The following SBF1 variants were observed in gnomAD, a reference collection of about 807,000 sequenced individuals.
SBF1 encodes SET binding factor 1, also known as myotubularin-related protein 5.
Under a neutral mutation model 215.8 loss-of-function variants are expected in SBF1, and 65 were observed. That is an observed-to-expected ratio of 0.30 (90% confidence interval 0.25 to 0.37). The LOEUF (loss-of-function observed/expected upper bound fraction) is 0.37, where lower values mean the gene tolerates loss of function less well. SBF1 is among the 10% of genes least tolerant of loss of function. SBF1 has a pLI of 1.00. For missense variants in SBF1, 2,634 were observed against 2,667.8 expected (o/e 0.99, Z 0.28); for synonymous variants, 1,410 against 1,122.8 (o/e 1.26, Z -5.11).
chr22:50,460,282 G>A lies in SBF1; in HGVS notation c.3273C>T (p.Asp1091=), dbSNP rs1191369275. The A allele has an allele frequency of 2.1e-5, 33 of 1,605,464 alleles. No individual in the cohort carries two copies. The highest frequency in any genetic ancestry group is 6.7e-5 in the Admixed American group (4 of 59,598). The change falls in exon 25 of 41, where the codon GAC becomes GAT. Residue 1091 remains aspartate (D), a synonymous_variant. Coordinates refer to ENST00000380817, the MANE Select transcript of SBF1 (RefSeq NM_002972.4). ...RGQPPPEDQE[D]EISVSEELEP... ...CCCCCACCCCTCCACCTGAGATCTC[G>A]TCCTCCTGGTCCTCAGGGGGCGGCT...
At position 50,446,951 on chromosome 22, in the gene SBF1, T is replaced by G. The variant is rs1253830624; in HGVS notation, c.*191A>C. On this transcript the variant is annotated 3_prime_UTR_variant, in exon 41 of 41. Coordinates refer to ENST00000380817, the MANE Select transcript of SBF1 (RefSeq NM_002972.4). The stretch of plus-strand genomic sequence containing the variant: ...GCCACCTCCCGGCACGGTGCTCAGC[T>G]GTGACGCCAAAATAAGTTAGGGCCG... The G allele has an allele frequency of 1.4e-6, 1 of 707,586 alleles. No individual in the cohort carries two copies. The highest frequency in any genetic ancestry group is 2.6e-6 in the Non-Finnish European group (1 of 391,210). 43.8% of individuals were successfully genotyped at this position (707,586 alleles called of 1,614,324 possible).
chr22:50,462,350 T>C lies in SBF1; in HGVS notation c.2251A>G (p.Ser751Gly). ...TGGATGGCCTGGCTGAACACCGTGC[T>C]CTCCTCCTTCTGCACCAGCTCCTGC... The part of the protein sequence containing the change: ...KQQELVQKEE[S>G]TVFSQAIHYA... Residue 751 changes from serine to glycine, a missense_variant, in exon 19 of 41, where the codon AGC (serine) becomes GGC (glycine). Ser to Gly is a moderately conservative substitution (Grantham distance 56). Coordinates refer to ENST00000380817, the MANE Select transcript of SBF1 (RefSeq NM_002972.4). 1 of 1,614,102 alleles carries C rather than the reference T, an allele frequency of 6.2e-7. No individual in the cohort carries two copies.
intron 36 of SBF1, among the ~76,000 whole-genome samples, chr22:50,452,746 A>AAAC (rs1165092073): frequency 6.6e-6 from 1 of 150,984 alleles, no homozygotes; most frequent in African/African-American, 2.4e-5. Flanking sequence ...AAAAAAAAAA[A>AAAC]AAAAACCATA....
In SBF1 at chr22:50,460,487, G is replaced by C. The variant is rs572467490; in HGVS notation, c.3146+47C>G. The C allele has an allele frequency of 7.0e-5, 112 of 1,609,730 alleles. No individual in the cohort carries two copies. The Admixed American group carries it at 1.7e-3, about 25-fold the overall frequency. ...CAGGGGCCTAGGAGGGTTGGAGCGGGAACACGGCTGAGGCCCAGCTGCCCT... is the reference window on the plus strand; with the variant it reads ...CAGGGGCCTAGGAGGGTTGGAGCGGCAACACGGCTGAGGCCCAGCTGCCCT... On this transcript the variant is annotated intron_variant, in intron 24 of 40. Coordinates refer to ENST00000380817, the MANE Select transcript of SBF1 (RefSeq NM_002972.4).
In SBF1 at chr22:50,467,908, C is replaced by T. The variant is rs772333742; in HGVS notation, c.157G>A (p.Gly53Arg). Residue 53 changes from glycine (G) to arginine (R), a missense_variant, in exon 3 of 41, where the codon GGG becomes AGG. By Grantham distance (125) the Gly-to-Arg change is moderately radical. Coordinates refer to ENST00000380817, the MANE Select transcript of SBF1 (RefSeq NM_002972.4). ...TTCCTCTCGGGACACAGCTGCCACCCGCTGGGCTGGCAAAACTGCAGGGAA... is the reference window on the plus strand; with the variant it reads ...TTCCTCTCGGGACACAGCTGCCACCTGCTGGGCTGGCAAAACTGCAGGGAA... ...QGIELFCQPS[G>R]WQLCPERNPP... 12 of 1,613,762 alleles carry T rather than the reference C, an allele frequency of 7.4e-6. No individual in the cohort carries two copies. Among genetic ancestry groups the T allele is most frequent in the Admixed American group, 3.3e-5 (2 of 59,976 alleles).
chr22:50,463,150 A>AC, intron 16 of SBF1, 133 bp downstream of exon 16: 5 of 1,276,722 alleles, frequency 3.9e-6, no homozygotes, highest in Non-Finnish European at 5.5e-6. Context: ...TTCCCTGCAG[A>AC]CCGAGGACCC....
At chr22:50,472,813 C>T (rs1322086804) in intron 1 of SBF1, among the ~76,000 whole-genome samples, 1 of 152,156 alleles carries the variant, frequency 6.6e-6, no homozygotes, top group Non-Finnish European at 1.5e-5. Context: ...TAGCCTTGTT[C>T]CCCTCAAGAA....
In SBF1 at chr22:50,446,172, G is replaced by C. The variant is rs1262488201; in HGVS notation, c.*970C>G. Reference sequence around the variant, plus strand: ...AGGAAAAGAGCAGTGAGGGGCCACAGTGACACCAAGAAGGGAAGGACGGGG... The same window carrying C: ...AGGAAAAGAGCAGTGAGGGGCCACACTGACACCAAGAAGGGAAGGACGGGG... On this transcript the variant is annotated 3_prime_UTR_variant, in exon 41 of 41. Coordinates refer to ENST00000380817, the MANE Select transcript of SBF1 (RefSeq NM_002972.4). 1 of 152,812 alleles carries C rather than the reference G, an allele frequency of 6.5e-6. No homozygotes were observed. The highest frequency in any genetic ancestry group is 1.5e-5 in the Non-Finnish European group (1 of 68,470). The allele number at this position is 152,812 out of a possible 1,614,324, so 9.5% of individuals were successfully genotyped here. A position where few individuals can be genotyped will look rare whatever the true frequency, so the allele number is the denominator to read the frequency against.
Position 50,464,352 on chromosome 22 carries a change from C to G in SBF1, c.1726G>C (p.Gly576Arg). ...ACCTTCTTGGCCTCAAGCATTTTCC[C>G]CTCAAACACGTAGGAGATGCAGTTG... The part of the protein sequence containing the change: ...VRNCISYVFE[G>R]KMLEAKKLLP... The change falls in exon 15 of 41, where the codon GGG becomes CGG. Residue 576 changes from glycine to arginine, a missense_variant. Transcript: ENST00000380817. The G allele has an allele frequency of 6.2e-7, 1 of 1,614,010 alleles. No individual in the cohort carries two copies. The highest frequency in any genetic ancestry group is 8.5e-7 in the Non-Finnish European group (1 of 1,179,970).
At chr22:50,465,375 C>T (rs1476913338) in intron 10 of SBF1, 47 bp from the exon 11 acceptor site, 2 of 1,500,994 alleles carry the variant, frequency 1.3e-6, no homozygotes, top group Non-Finnish European at 9.0e-7. Flanking sequence ...TGCCAATCCC[C>T]ACCCCAGGCT....
Position 50,460,146 on chromosome 22 carries a change from C to T in SBF1, c.3297G>A (p.Leu1099=), listed in dbSNP as rs1569511667. 6.2e-7 allele frequency: 1 copy of T among 1,611,712 alleles called. No homozygotes were observed. The change falls in exon 26 of 41, where the codon CTG becomes CTA. Residue 1099 remains leucine (L), a synonymous_variant. Transcript: ENST00000380817. The part of the protein sequence containing the change: ...QEDEISVSEE[L]EPSTLTPSSA... ...AGGACGGGGTCAGCGTGCTGGGCTC[C>T]AGCTCCTCCGACACTGCACAGGCCG...
At chr22:50,469,389 C>G (rs2067913908) in intron 1 of SBF1, among the ~76,000 whole-genome samples, 5 of 152,256 alleles carry the variant, frequency 3.3e-5, no homozygotes, top group Admixed American at 3.3e-4. Context: ...CCCAGAACTA[C>G]CACATCCAGG....
Position 50,446,712 on chromosome 22 carries a change from C to G in SBF1, c.*430G>C, listed in dbSNP as rs1344557372. On this transcript the variant is annotated 3_prime_UTR_variant, in exon 41 of 41. Transcript: ENST00000380817. ...AGAGGCTCACGAGAAAGATGCCAAC[C>G]TCCCGCCAGGTGGGCCTGGATAGGG... 2 of 415,532 alleles carry G rather than the reference C, an allele frequency of 4.8e-6. No homozygotes were observed. The highest frequency in any genetic ancestry group is 9.6e-6 in the Non-Finnish European group (2 of 208,780). The allele number at this position is 415,532 out of a possible 1,614,324, so 25.7% of individuals were successfully genotyped here.
At position 50,466,637 on chromosome 22, in the gene SBF1, C is replaced by T. The variant is rs1216976197; in HGVS notation, c.623G>A (p.Arg208His). ...GCGGAAGAGCAGGGCCACGCTGCAGCGGCTGACGGGCAGCGAGTCGGCCAG... is the reference window on the plus strand; with the variant it reads ...GCGGAAGAGCAGGGCCACGCTGCAGTGGCTGACGGGCAGCGAGTCGGCCAG... ...TPLADSLPVS[R>H]CSVALLFRQL... The change falls in exon 6 of 41, where the codon CGC (arginine) becomes CAC (histidine). Residue 208 changes from arginine (R) to histidine (H), a missense_variant. Transcript: ENST00000380817. The T allele has an allele frequency of 1.7e-5, 27 of 1,552,378 alleles. No homozygotes were observed. The highest frequency in any genetic ancestry group is 2.4e-5 in the East Asian group (1 of 41,078).
intron 1 of SBF1, among the ~76,000 whole-genome samples, chr22:50,472,590 A>ACGG (rs1346490755): frequency 6.6e-6 from 1 of 152,094 alleles, no homozygotes; most frequent in African/African-American, 2.4e-5. Context: ...CTGCATCCTC[A>ACGG]CGGCAGCCTG....
In SBF1 at chr22:50,460,352, A is replaced by C; in HGVS notation, c.3203T>G (p.Val1068Gly). 6.2e-7 allele frequency: 1 copy of C among 1,613,528 alleles called. No homozygotes were observed. The highest frequency in any genetic ancestry group is 8.5e-7 in the Non-Finnish European group (1 of 1,179,646). ...NAKKTIGRQH[V>G]TRKKYNPPSW... Reference sequence around the variant, plus strand: ...GGGGGGGTTGTACTTCTTGCGAGTGACATGCTGCCGCCCGATGGTCTTCTT... The same window carrying C: ...GGGGGGGTTGTACTTCTTGCGAGTGCCATGCTGCCGCCCGATGGTCTTCTT... Residue 1068 changes from valine to glycine, a missense_variant, in exon 25 of 41, where the codon GTC becomes GGC. By Grantham distance (109) the Val-to-Gly change is moderately radical. Transcript: ENST00000380817.
rs1324165857 is a variant in SBF1 at position 50,445,635 on chromosome 22, G to A, written c.*1507C>T. On this transcript the variant is annotated 3_prime_UTR_variant, in exon 41 of 41. Coordinates refer to ENST00000380817, the MANE Select transcript of SBF1 (RefSeq NM_002972.4). ...ACTCTGACCTGTGGGTTTTCCAGGT[G>A]CCAGGAACTTCGGTCAGGCGCCATC... The A allele has an allele frequency of 6.6e-6, 1 of 152,296 alleles. No homozygotes were observed. The highest frequency in any genetic ancestry group is 1.5e-5 in the Non-Finnish European group (1 of 68,102). The allele number at this position is 152,296 out of a possible 1,614,324, so 9.4% of individuals were successfully genotyped here.
In SBF1 at chr22:50,463,484, G is replaced by T. The variant is rs772183274; in HGVS notation, c.1750-52C>A. On this transcript the variant is annotated intron_variant, in intron 15 of 40. Coordinates refer to ENST00000380817, the MANE Select transcript of SBF1 (RefSeq NM_002972.4). The stretch of plus-strand genomic sequence containing the variant: ...CTGAGGGCACAGAGAAGACCCACTC[G>T]GGGCCCTGGCAGGGAGGGCAGCAGG... 9 of 1,491,196 alleles carry T rather than the reference G, an allele frequency of 6.0e-6. No individual in the cohort carries two copies. The South Asian group carries it at 9.2e-5, about 15-fold the overall frequency. 92.4% of individuals were successfully genotyped at this position (1,491,196 alleles called of 1,614,324 possible). A position where few individuals can be genotyped will look rare whatever the true frequency, so the allele number is the denominator to read the frequency against.
In SBF1 at chr22:50,464,681, G is replaced by A. The variant is rs766253537; in HGVS notation, c.1489C>T (p.His497Tyr). 5 of 1,607,806 alleles carry A rather than the reference G, an allele frequency of 3.1e-6. No individual in the cohort carries two copies. Among genetic ancestry groups the A allele is most frequent in the South Asian group, 2.2e-5 (2 of 90,954 alleles). ...AAGGGTCGGGGCACCCGTCGCAGGT[G>A]GCTGCTCTCACCGGGCCTCTGTACC... The part of the protein sequence containing the change: ...HKVQRPGESS[H>Y]LRRVPRPFPR... Residue 497 changes from histidine (H) to tyrosine (Y), a missense_variant, in exon 14 of 41, where the codon CAC (histidine) becomes TAC (tyrosine). His to Tyr is a moderately conservative substitution (Grantham distance 83, BLOSUM62 2). Coordinates refer to ENST00000380817, the MANE Select transcript of SBF1 (RefSeq NM_002972.4).
Sources: gnomAD v4.1 joint callset for allele counts (sites outside exome capture counted in the v4.1 genomes callset) on GRCh38, gnomAD v4.1.1 for gene constraint, MANE v1.5 for transcripts, NCBI Gene and HGNC (gene_info 2026-07-23, HGNC 2026-07-21) for gene names.